The following CPQ variants were observed in gnomAD, a reference collection of about 807,000 sequenced individuals.
The protein encoded by CPQ is carboxypeptidase Q, also known as Ser-Met dipeptidase.
Under a neutral mutation model 45.7 loss-of-function variants are expected in CPQ, and 37 were observed. The observed-to-expected ratio is 0.81, with a 90% CI of 0.62 to 1.07. CPQ has a LOEUF of 1.07. Ranked by LOEUF, CPQ falls within the 50% of genes least tolerant of loss-of-function variation. CPQ has a pLI of 0.00. For synonymous variants in CPQ, 186 were observed against 205.8 expected, an observed-to-expected ratio of 0.90 and a Z score of 0.82; for missense variants, 537 against 572.9, an observed-to-expected ratio of 0.94 and a Z score of 0.64.
chr8:96,847,433 A>C (rs988642987), intron 3 of CPQ, among the ~76,000 whole-genome samples: 1 of 152,186 alleles, frequency 6.6e-6, no homozygotes, highest in Non-Finnish European at 1.5e-5. Flanking sequence ...GGTTTTTAAA[A>C]AATGTATGTG....
chr8:96,775,875 C>A (rs1035855375), intron 1 of CPQ, among the ~76,000 whole-genome samples: 1 of 152,158 alleles, frequency 6.6e-6, no homozygotes, highest in Non-Finnish European at 1.5e-5. Context: ...CCCCTAGGGG[C>A]AGCATCATCC....
At chr8:97,101,306 T>C (rs896019456) in intron 7 of CPQ, among the ~76,000 whole-genome samples, 3 of 152,004 alleles carry the variant, frequency 2.0e-5, no homozygotes, top group Non-Finnish European at 2.9e-5. Flanking sequence ...AGAGTAATGA[T>C]AGTTTGGGAG....
At chr8:96,800,615 T>C (rs1810993619) in intron 2 of CPQ, among the ~76,000 whole-genome samples, 1 of 152,112 alleles carries the variant, frequency 6.6e-6, no homozygotes, top group Non-Finnish European at 1.5e-5. Context: ...CCAGGGACTA[T>C]GACAAAACAG....
chr8:96,767,635 C>CTGTTTTTTTTTTT (rs1810484587), intron 1 of CPQ, among the ~76,000 whole-genome samples: 1 of 39,278 alleles, frequency 2.5e-5, no homozygotes, highest in Non-Finnish European at 4.4e-5. Flanking sequence ...GTTACCTATG[C>CTGTTTTTTTTTTT]TTTTTTTTTT....
At position 96,962,536 on chromosome 8, in the gene CPQ, C is replaced by T. The variant is rs760219748; in HGVS notation, c.850-3399C>T. On this transcript the variant is annotated intron_variant, in intron 4 of 7. Transcript: ENST00000220763. ...TCAGGTGATATTTTTCATGAAACTG[C>T]AGTTTACTGCATTTCTGGGTAGTCT... Among the ~76,000 whole-genome samples, 9 of 152,182 alleles carry T rather than the reference C, an allele frequency of 5.9e-5. 1 individual carries two copies. Among genetic ancestry groups the T allele is most frequent in the Non-Finnish European group, 1.3e-4 (9 of 68,032 alleles).
At chr8:96,716,345 A>G (rs1281235524) in intron 1 of CPQ, among the ~76,000 whole-genome samples, 1 of 152,006 alleles carries the variant, frequency 6.6e-6, no homozygotes, top group East Asian at 1.9e-4. Flanking sequence ...TTTTATTTTA[A>G]TAGATTTTAA....
At chr8:96,952,249 T>TC (rs1278145117) in intron 4 of CPQ, among the ~76,000 whole-genome samples, 1 of 152,272 alleles carries the variant, frequency 6.6e-6, no homozygotes, top group East Asian at 1.9e-4. Context: ...ATTGAAATAG[T>TC]CCTCAGCTCT....
chr8:96,986,065 C>T (rs1336028488), intron 5 of CPQ, among the ~76,000 whole-genome samples: 1 of 152,170 alleles, frequency 6.6e-6, no homozygotes, highest in Non-Finnish European at 1.5e-5. Flanking sequence ...TGCCTACCAT[C>T]TTTTATTCAG....
intron 4 of CPQ, among the ~76,000 whole-genome samples, chr8:96,957,123 A>T (rs979666379): frequency 6.6e-6 from 1 of 152,216 alleles, no homozygotes; most frequent in African/African-American, 2.4e-5. Flanking sequence ...AGTTGTTCTC[A>T]GGTGTCATCA....
At chr8:97,044,016 T>A (rs1046563106) in intron 6 of CPQ, among the ~76,000 whole-genome samples, 10 of 152,214 alleles carry the variant, frequency 6.6e-5, no homozygotes, top group Non-Finnish European at 1.0e-4. Flanking sequence ...ATTTCCTGAA[T>A]CTGAATGTTG....
chr8:97,137,459 GT>G (rs1812080212), intron 7 of CPQ, among the ~76,000 whole-genome samples: 1 of 152,132 alleles, frequency 6.6e-6, no homozygotes, highest in African/African-American at 2.4e-5. Flanking sequence ...TTTTGACTCT[GT>G]CCTTGTACAT....
Position 97,033,005 on chromosome 8 carries a change from A to G in CPQ, c.1053+3511A>G, listed in dbSNP as rs370912241. Among the ~76,000 whole-genome samples the G allele has an allele frequency of 7.9e-5, 12 of 152,316 alleles. No homozygotes were observed. In the East Asian group the frequency reaches 2.1e-3, roughly 27 times the overall value. ...GCATGTTAGTCGTGAGGAAGGAGGC[A>G]ACACCTAATCCTTGCAGAGCAAGTG... On this transcript the variant is annotated intron_variant, in intron 6 of 7. Transcript: ENST00000220763.
chr8:96,953,251 A>C (rs1330036449), intron 4 of CPQ, among the ~76,000 whole-genome samples: 1 of 152,078 alleles, frequency 6.6e-6, no homozygotes, highest in African/African-American at 2.4e-5. Flanking sequence ...GATCTATCTC[A>C]CGGCCTCCTC....
At chr8:97,013,478 C>G (rs2130442871) in intron 5 of CPQ, among the ~76,000 whole-genome samples, 1 of 152,184 alleles carries the variant, frequency 6.6e-6, no homozygotes, top group Admixed American at 6.5e-5. Context: ...TGTGTGAAAA[C>G]TACATTAATC....
intron 1 of CPQ, among the ~76,000 whole-genome samples, chr8:96,774,861 G>C (rs1810587118): frequency 6.6e-6 from 1 of 152,160 alleles, no homozygotes; most frequent in South Asian, 2.1e-4. Flanking sequence ...GGATCCCCAA[G>C]AAGCACTTAA....
intron 7 of CPQ, among the ~76,000 whole-genome samples, chr8:97,072,787 A>G (rs999443270): frequency 6.6e-6 from 1 of 152,146 alleles, no homozygotes; most frequent in Non-Finnish European, 1.5e-5. Context: ...CTACAGTCTG[A>G]GTAAATGTCC....
chr8:96,808,681 G>A (rs1252994074), intron 2 of CPQ, among the ~76,000 whole-genome samples: 1 of 152,166 alleles, frequency 6.6e-6, no homozygotes, highest in Non-Finnish European at 1.5e-5. Context: ...GCCGTAAGAT[G>A]TGAAAAGGCA....
At chr8:97,126,262 T>A (rs940581159) in intron 7 of CPQ, among the ~76,000 whole-genome samples, 1 of 152,100 alleles carries the variant, frequency 6.6e-6, no homozygotes, top group African/African-American at 2.4e-5. Context: ...TTTAAAAAAA[T>A]AATAATAAAA....
chr8:96,791,823 G>C (rs555246757), intron 2 of CPQ, among the ~76,000 whole-genome samples: 2 of 152,216 alleles, frequency 1.3e-5, no homozygotes, highest in African/African-American at 4.8e-5. Flanking sequence ...GTGTGACCTT[G>C]GTTGCCATTT....
Sources: allele counts gnomAD v4.1 joint callset (sites outside exome capture counted in the v4.1 genomes callset), GRCh38; gene constraint gnomAD v4.1.1; transcripts MANE v1.5; gene names NCBI Gene and HGNC (gene_info 2026-07-23, HGNC 2026-07-21).